The following GYS1 variants were observed in gnomAD, a reference collection of about 807,000 sequenced individuals.
GYS1 encodes the protein glycogen synthase 1, also known as glycogen [starch] synthase, muscle.
Under a neutral mutation model 89.1 loss-of-function variants are expected in GYS1, and 60 were observed. That is an observed-to-expected ratio of 0.67 (90% CI 0.55 to 0.84). GYS1 has a LOEUF of 0.84. Ranked by LOEUF, GYS1 falls within the 40% of genes least tolerant of loss-of-function variation. GYS1 has a pLI of 0.00. For missense variants in GYS1, 888 were observed against 1,003.1 expected, an observed-to-expected ratio of 0.89 and a Z score of 1.55; for synonymous variants, 366 against 401.7, an observed-to-expected ratio of 0.91 and a Z score of 1.06.
chr19:48,980,576 T>C (rs1292511484), intron 8 of GYS1, among the ~76,000 whole-genome samples: 1 of 151,286 alleles, frequency 6.6e-6, no homozygotes, highest in Non-Finnish European at 1.5e-5. Flanking sequence ...ATGAAGAAAC[T>C]GAGCTTTGCT....
chr19:48,987,186 G>T lies in GYS1; in HGVS notation c.492+8C>A, dbSNP rs751502676. 2.8e-5 allele frequency: 45 copies of T among 1,600,530 alleles called. No individual in the cohort carries two copies. The highest frequency in any genetic ancestry group is 1.6e-4 in the Middle Eastern group (1 of 6,066). ...AGGTATGGGTGGAATGTGTCAGACG[G>T]GGCCTACCTCACCCAGGAACCAGGT... On this transcript the variant is annotated splice_region_variant and intron_variant, in intron 3 of 15. Coordinates refer to ENST00000323798, the MANE Select transcript of GYS1 (RefSeq NM_002103.5).
Position 48,985,558 on chromosome 19 carries a change from G to GT in GYS1, c.725dup (p.Tyr242Ter). The change falls in exon 5 of 16, where the codon TAC becomes TAAC. Residue 242 changes from tyrosine (Y) to a stop codon, truncating the protein, a stop_gained and frameshift_variant. Transcript: ENST00000323798. LOFTEE classifies it high-confidence loss of function. ...AGTGGGCTGCCGCCCTTTCCATGCA[G>GT]TATCGGTGGTAGATCTGCCTCTCCC... is the stretch of plus-strand genomic sequence containing the variant. ...EAGERQIYHR[Y>*]CMERAAAHCA... 6.2e-7 allele frequency: 1 copy of GT among 1,614,106 alleles called. No homozygotes were observed. Among genetic ancestry groups the GT allele is most frequent in the Non-Finnish European group, 8.5e-7 (1 of 1,179,966 alleles).
rs766144879 is a variant in GYS1, at chr19:48,982,392, G to T, written c.942-17C>A. On this transcript the variant is annotated splice_polypyrimidine_tract_variant and intron_variant, in intron 6 of 15. Coordinates refer to ENST00000323798, the MANE Select transcript of GYS1 (RefSeq NM_002103.5). ...TCCAGATGCCTAAAGAACCCACAAG[G>T]CACGGTAAAGCCCAAAGCCCTCACC... 6.2e-7 allele frequency: 1 copy of T among 1,613,398 alleles called. No homozygotes were observed. Among genetic ancestry groups the T allele is most frequent in the East Asian group, 2.2e-5 (1 of 44,874 alleles).
chr19:48,978,217 C>T (rs2038691565), intron 8 of GYS1, 60 bp from the exon 9 acceptor site: 4 of 1,364,334 alleles, frequency 2.9e-6, no homozygotes, highest in Non-Finnish European at 3.1e-6. Context: ...TGTTAGGCTT[C>T]TTTAGTTAGT....
chr19:48,981,598 G>A lies in GYS1; in HGVS notation c.1101C>T (p.Ile367=). Residue 367 remains isoleucine (I), a synonymous_variant, in exon 8 of 16, where the codon ATC becomes ATT. Transcript: ENST00000323798. ...TGAAATTGTTGGTCCGCGCTGGCAT[G>A]ATGAAGAAGGCAACCACTGTCTGCT... The part of the protein sequence containing the change: ...GSEQTVVAFF[I]MPARTNNFNV... 1 of 1,613,568 alleles carries A rather than the reference G, an allele frequency of 6.2e-7. No individual in the cohort carries two copies. The highest frequency in any genetic ancestry group is 8.5e-7 in the Non-Finnish European group (1 of 1,179,474).
chr19:48,980,977 G>A (rs2038751579), intron 8 of GYS1, among the ~76,000 whole-genome samples: 1 of 152,024 alleles, frequency 6.6e-6, no homozygotes, highest in Non-Finnish European at 1.5e-5. Flanking sequence ...AGCCAGGTGT[G>A]GTGGCACACC....
At position 48,991,225 on chromosome 19, in the gene GYS1, C is replaced by T. The variant is rs1301805829; in HGVS notation, c.300+77G>A. On this transcript the variant is annotated intron_variant, in intron 2 of 15. Transcript: ENST00000323798. The surrounding 1 kb of genome is among the most constrained non-coding windows in gnomAD (Gnocchi z 4.7). ...TCTCTGGCTGGGGCTGTCCACCCTG[C>T]ACCCTCTCCGTCTGTGGCTCCCACC... 1 of 1,492,806 alleles carries T rather than the reference C, an allele frequency of 6.7e-7. No homozygotes were observed. The highest frequency in any genetic ancestry group is 1.7e-5 in the Admixed American group (1 of 59,832). The allele number at this position is 1,492,806 out of a possible 1,614,324, so 92.5% of individuals were successfully genotyped here.
intron 12 of GYS1, among the ~76,000 whole-genome samples, chr19:48,972,055 G>A (rs749748406): frequency 1.3e-5 from 2 of 151,226 alleles, no homozygotes; most frequent in Non-Finnish European, 2.9e-5. Flanking sequence ...AAAAGGCCGG[G>A]CACGGTGGCT....
intron 10 of GYS1, among the ~76,000 whole-genome samples, chr19:48,975,613 G>A (rs953320866): frequency 5.9e-5 from 9 of 151,948 alleles, no homozygotes; most frequent in Admixed American, 2.0e-4. Context: ...ACTGCTGGGA[G>A]TTGTAGTTTC....
chr19:48,984,093 G>C (rs575822704), intron 5 of GYS1, among the ~76,000 whole-genome samples: 1 of 152,280 alleles, frequency 6.6e-6, no homozygotes, highest in African/African-American at 2.4e-5. Context: ...CTGCCTCCTG[G>C]GTTCAAGAGA....
chr19:48,992,919 T>A (rs2038961683), intron 1 of GYS1, 76 bp downstream of exon 1: 1 of 859,310 alleles, frequency 1.2e-6, no homozygotes, highest in Non-Finnish European at 2.0e-6. Flanking sequence ...AGCCCCGTCC[T>A]CCTACAACTC....
At chr19:48,978,290 A>G in intron 8 of GYS1, 133 bp from the exon 9 acceptor site, 2 of 776,200 alleles carry the variant, frequency 2.6e-6, no homozygotes, top group African/African-American at 1.7e-5. Flanking sequence ...CAATGGCGTG[A>G]TCTCGGCTCA....
Position 48,991,594 on chromosome 19 carries a change from CA to C in GYS1, c.119-112del. ...GCACTCAGGCCCCAGACCTCTAGCT[CA>C]GGGGGAAGAGGGGACTGGGAGCCCA... On this transcript the variant is annotated intron_variant, in intron 1 of 15. Coordinates refer to ENST00000323798, the MANE Select transcript of GYS1 (RefSeq NM_002103.5). This position sits in a 1 kb window ranked among gnomAD's most constrained non-coding sequence, Gnocchi z 4.7. 8.5e-7 allele frequency: 1 copy of C among 1,180,484 alleles called. No homozygotes were observed. The highest frequency in any genetic ancestry group is 1.2e-6 in the Non-Finnish European group (1 of 805,588). The allele number at this position is 1,180,484 out of a possible 1,614,324, so 73.1% of individuals were successfully genotyped here. A position where few individuals can be genotyped will look rare whatever the true frequency, so the allele number is the denominator to read the frequency against.
Position 48,974,662 on chromosome 19 carries a change from G to A in GYS1, c.1380C>T (p.Ile460=). Residue 460 remains isoleucine (I), a synonymous_variant, in exon 11 of 16, where the codon ATC becomes ATT. Coordinates refer to ENST00000323798, the MANE Select transcript of GYS1 (RefSeq NM_002103.5). ...DDSSDPILTT[I]RRIGLFNSSA... ...TGCTATTGAAGAGGCCGATTCGGCG[G>A]ATGGTGGTCAGGATGGGGTCTGAGG... The A allele has an allele frequency of 6.2e-7, 1 of 1,614,138 alleles. No individual in the cohort carries two copies. The highest frequency in any genetic ancestry group is 8.5e-7 in the Non-Finnish European group (1 of 1,180,002).
intron 2 of GYS1, among the ~76,000 whole-genome samples, chr19:48,988,382 G>A (rs543036299): frequency 6.6e-6 from 1 of 152,288 alleles, no homozygotes; most frequent in South Asian, 2.1e-4. Flanking sequence ...TGCCCAGGCT[G>A]GAGTGCAGTG....
chr19:48,969,424 C>T lies in GYS1; in HGVS notation c.2078G>A (p.Trp693Ter). ...GGAGGTGCAGGACGCTCGGCGCGGC[C>T]ACTCTGGTGCACGGATGTTGCGCCG... ...KDRRNIRAPEWPRRASCTSST... is the reference protein window; with the variant it reads ...KDRRNIRAPE The change falls in exon 16 of 16, where the codon TGG becomes TAG. Residue 693 changes from tryptophan (W) to a stop codon, truncating the protein, a stop_gained. Transcript: ENST00000323798. LOFTEE classifies it high-confidence loss of function. 6.5e-7 allele frequency: 1 copy of T among 1,546,190 alleles called. No individual in the cohort carries two copies. Among genetic ancestry groups the T allele is most frequent in the South Asian group, 1.2e-5 (1 of 84,162 alleles).
rs2038779281 is a variant in GYS1, at chr19:48,982,362, T to G, written c.955A>C (p.Asn319His). 1 of 1,613,822 alleles carries G rather than the reference T, an allele frequency of 6.2e-7. No homozygotes were observed. The highest frequency in any genetic ancestry group is 8.5e-7 in the Non-Finnish European group (1 of 1,179,882). ...RGHFYGHLDF[N>H]LDKTLYFFIA... is the part of the protein sequence containing the mutation. ...AAGAAGTATAAGGTCTTGTCCAAGT[T>G]GAAGTCCAGATGCCTAAAGAACCCA... is the stretch of plus-strand genomic sequence containing the variant. The change falls in exon 7 of 16, where the codon AAC becomes CAC. Residue 319 changes from asparagine (N) to histidine (H), a missense_variant. Physicochemically the swap from Asn to His is moderately conservative, Grantham distance 68 (BLOSUM62 1). Coordinates refer to ENST00000323798, the MANE Select transcript of GYS1 (RefSeq NM_002103.5).
At chr19:48,974,474 C>T (rs186341149) in intron 11 of GYS1, 135 bp from the exon 12 acceptor site, 4 of 1,137,586 alleles carry the variant, frequency 3.5e-6, no homozygotes, top group South Asian at 2.6e-5. Context: ...TGTTCAAACC[C>T]AGGTCTGCCT....
Position 48,987,452 on chromosome 19 carries a change from G to A in GYS1, c.301-67C>T, listed in dbSNP as rs1038394008. 2.3e-5 allele frequency: 29 copies of A among 1,276,444 alleles called. No individual in the cohort carries two copies. In the South Asian group the frequency reaches 3.3e-4, roughly 15 times the overall value. The allele number at this position is 1,276,444 out of a possible 1,614,324, so 79.1% of individuals were successfully genotyped here. The stretch of plus-strand genomic sequence containing the variant: ...TTCAGCCTCATATCTTCACTCATCC[G>A]TGGTTCTCCCATTTGCAGGCAGATG... On this transcript the variant is annotated intron_variant, in intron 2 of 15. Transcript: ENST00000323798.
Sources: allele counts gnomAD v4.1 joint callset (sites outside exome capture counted in the v4.1 genomes callset), GRCh38; gene constraint gnomAD v4.1.1; non-coding constraint Gnocchi (gnomAD v3.1); transcripts MANE v1.5; gene names NCBI Gene and HGNC (gene_info 2026-07-23, HGNC 2026-07-21).